The following FHIP1A variants were observed in gnomAD, a reference collection of about 807,000 sequenced individuals.
FHIP1A encodes the protein FHF complex subunit HOOK interacting protein 1A, also known as FHF complex subunit HOOK-interacting protein 1A.
FHIP1A carries 61 observed loss-of-function variants against 88.6 expected under a neutral mutation model. The ratio of observed to expected loss-of-function variants is 0.69; its 90% CI spans 0.56 to 0.85. FHIP1A has a LOEUF of 0.85. FHIP1A is among the 40% of genes least tolerant of loss of function. The pLI is 0.00. For missense variants in FHIP1A, 1,154 were observed against 1,273.5 expected (o/e 0.91, Z 1.43); for synonymous variants, 478 against 496.0 (o/e 0.96, Z 0.48).
intron 2 of FHIP1A, among the ~76,000 whole-genome samples, chr4:151,476,137 G>A (rs1028377738): frequency 4.6e-5 from 7 of 150,796 alleles, no homozygotes; most frequent in East Asian, 2.0e-4. Context: ...TGGGATTACA[G>A]GCATGAGACA....
At chr4:151,496,613 A>G (rs894429849) in intron 3 of FHIP1A, among the ~76,000 whole-genome samples, 1 of 151,946 alleles carries the variant, frequency 6.6e-6, no homozygotes, top group Non-Finnish European at 1.5e-5. Context: ...CAGTGGCACA[A>G]TCTCAGCTCA....
chr4:151,509,319 C>T (rs2126675037), intron 3 of FHIP1A, among the ~76,000 whole-genome samples: 1 of 152,130 alleles, frequency 6.6e-6, no homozygotes, highest in East Asian at 1.9e-4. Context: ...CCCGCCACCA[C>T]ACCTGGTTAA....
chr4:151,500,461 C>CT (rs1730612429), intron 3 of FHIP1A, among the ~76,000 whole-genome samples: 1 of 137,578 alleles, frequency 7.3e-6, no homozygotes, highest in Non-Finnish European at 1.6e-5. Flanking sequence ...AAAAAAAAGA[C>CT]TTTGGACAGC....
chr4:151,483,293 A>T (rs998907323), intron 3 of FHIP1A, among the ~76,000 whole-genome samples: 9 of 151,176 alleles, frequency 6.0e-5, no homozygotes, highest in African/African-American at 2.2e-4. Context: ...TGCCTCTATA[A>T]ATGATCTTCT....
chr4:151,636,525 T>A (rs1254715181), intron 8 of FHIP1A, among the ~76,000 whole-genome samples: 3 of 151,980 alleles, frequency 2.0e-5, no homozygotes, highest in Non-Finnish European at 4.4e-5. Flanking sequence ...ACTAAAATTG[T>A]TAGAATGAAT....
intron 7 of FHIP1A, among the ~76,000 whole-genome samples, chr4:151,589,389 G>A (rs7695162): frequency 0.61 from 93,161 of 152,036 alleles, 31,061 homozygotes; most frequent in African/African-American, 0.9. Context: ...AATTAAAGTG[G>A]AGCCAAATTA....
At chr4:151,609,007 C>G (rs1735190481) in intron 7 of FHIP1A, among the ~76,000 whole-genome samples, 1 of 152,118 alleles carries the variant, frequency 6.6e-6, no homozygotes, top group Non-Finnish European at 1.5e-5. Flanking sequence ...TCCCATTGTT[C>G]AGGATGCTGG....
rs531058997 is a variant in FHIP1A at position 151,467,985 on chromosome 4, T to G, written c.-248+13177T>G. On this transcript the variant is annotated intron_variant, in intron 2 of 13. Transcript: ENST00000435205. ...ACGTTCTGCACATGTATCCCGGAAC[T>G]TAAAAAAAAAAAAAAAAAGCCGGGC... Among the ~76,000 whole-genome samples, 12 of 102,188 alleles carry G rather than the reference T, an allele frequency of 1.2e-4. No homozygotes were observed. In the East Asian group the frequency reaches 3.1e-3, roughly 26 times the overall value. The allele number at this position is 102,188 out of a possible 152,430, so 67.0% of individuals were successfully genotyped here. A position where few individuals can be genotyped will look rare whatever the true frequency, so the allele number is the denominator to read the frequency against.
At position 151,668,459 on chromosome 4, in the gene FHIP1A, T is replaced by C. The variant is rs144268239; in HGVS notation, c.*5705T>C. 2.8e-4 allele frequency among the ~76,000 whole-genome samples: 43 copies of C among 152,274 alleles called. No homozygotes were observed. The highest frequency in any genetic ancestry group is 8.4e-4 in the African/African-American group (35 of 41,542). ...TTAGCAATAATTACTAAAATGTACA[T>C]GGGGTGGGGGAGCTCAGCTAAAATA... On this transcript the variant is annotated 3_prime_UTR_variant, in exon 14 of 14. Coordinates refer to ENST00000435205, the MANE Select transcript of FHIP1A (RefSeq NM_001109977.3).
At chr4:151,654,952 A>AC (rs1413048742) in intron 11 of FHIP1A, among the ~76,000 whole-genome samples, 7 of 152,150 alleles carry the variant, frequency 4.6e-5, no homozygotes, top group Non-Finnish European at 8.8e-5. Flanking sequence ...GTTCCTGGAG[A>AC]CAGGGATATT....
chr4:151,666,878 A>T lies in FHIP1A; in HGVS notation c.*4124A>T, dbSNP rs1348900277. 6.6e-6 allele frequency among the ~76,000 whole-genome samples: 1 copy of T among 152,160 alleles called. No individual in the cohort carries two copies. The highest frequency in any genetic ancestry group is 1.9e-4 in the East Asian group (1 of 5,202). On this transcript the variant is annotated 3_prime_UTR_variant, in exon 14 of 14. Coordinates refer to ENST00000435205, the MANE Select transcript of FHIP1A (RefSeq NM_001109977.3). ...TCACTTGACATAATAGTTTTGGTAA[A>T]CTGTCTTTATCTGGCTGCACCCCCT...
rs1398901159 is a variant in FHIP1A, at chr4:151,547,796, C to A, written c.-122-18342C>A. 2.6e-5 allele frequency among the ~76,000 whole-genome samples: 4 copies of A among 152,210 alleles called. No individual in the cohort carries two copies. In the South Asian group the frequency reaches 8.3e-4, roughly 32 times the overall value. ...GGGCATGGTGGCGGGTGCTTGTAAT[C>A]CCAGCTACTCGGGAAGCTGAGGCAG... On this transcript the variant is annotated intron_variant, in intron 3 of 13. Transcript: ENST00000435205.
intron 1 of FHIP1A, among the ~76,000 whole-genome samples, chr4:151,427,762 A>G (rs1733440290): frequency 6.6e-6 from 1 of 152,142 alleles, no homozygotes; most frequent in Non-Finnish European, 1.5e-5. Flanking sequence ...TGTCAACTAC[A>G]GAGAGCATAT....
intron 3 of FHIP1A, chr4:151,534,614 A>C (rs1487296904): frequency 6.6e-6 from 1 of 152,204 alleles, no homozygotes; most frequent in African/African-American, 2.4e-5. Context: ...AAAATTGACA[A>C]ATTATATTTT....
intron 3 of FHIP1A, among the ~76,000 whole-genome samples, chr4:151,556,258 GA>G (rs1243437661): frequency 6.6e-6 from 1 of 152,106 alleles, no homozygotes; most frequent in African/African-American, 2.4e-5. Context: ...TATAGTTATT[GA>G]TATTAGTATG....
intron 3 of FHIP1A, among the ~76,000 whole-genome samples, chr4:151,515,520 G>T (rs1731199408): frequency 6.6e-6 from 1 of 152,276 alleles, no homozygotes; most frequent in South Asian, 2.1e-4. Flanking sequence ...AATTATCCCT[G>T]TTTGCAGATG....
chr4:151,528,770 C>G (rs1731771914), intron 3 of FHIP1A, among the ~76,000 whole-genome samples: 1 of 152,022 alleles, frequency 6.6e-6, no homozygotes, highest in Admixed American at 6.6e-5. Context: ...AACCTTATCT[C>G]AAGGAGAAAA....
At chr4:151,510,184 A>G (rs1730978300) in intron 3 of FHIP1A, among the ~76,000 whole-genome samples, 1 of 151,908 alleles carries the variant, frequency 6.6e-6, no homozygotes. Flanking sequence ...GGCTCACTAC[A>G]GACTCAAGCT....
At chr4:151,456,724 A>T (rs1170568670) in intron 2 of FHIP1A, among the ~76,000 whole-genome samples, 2 of 151,864 alleles carry the variant, frequency 1.3e-5, no homozygotes, top group Non-Finnish European at 2.9e-5. Flanking sequence ...AACTATTGTT[A>T]TGCCCTTACT....
Sources: allele counts gnomAD v4.1 joint callset (sites outside exome capture counted in the v4.1 genomes callset), GRCh38; gene constraint gnomAD v4.1.1; transcripts MANE v1.5; gene names NCBI Gene and HGNC (gene_info 2026-07-23, HGNC 2026-07-21).